The following KLB variants were observed in gnomAD, a reference collection of about 807,000 sequenced individuals.
KLB encodes the protein klotho beta.
In KLB, 44 loss-of-function variants were observed where a neutral mutation model predicts 88.4. The observed-to-expected ratio is 0.50, with a 90% CI of 0.39 to 0.64. The LOEUF is 0.64. KLB is among the 30% of genes least tolerant of loss of function. The probability of loss-of-function intolerance (pLI) is 0.00; values close to 1 mark genes in which losing one functional copy is unlikely to be tolerated. For missense variants in KLB, 1,137 were observed against 1,304.8 expected (o/e 0.87, Z 1.98); for synonymous variants, 548 against 513.4 (o/e 1.07, Z -0.91).
Position 39,407,455 on chromosome 4 carries a change from C to G in KLB, c.506C>G (p.Ala169Gly). 6.2e-7 allele frequency: 1 copy of G among 1,614,160 alleles called. No homozygotes were observed. The highest frequency in any genetic ancestry group is 8.5e-7 in the Non-Finnish European group (1 of 1,180,016). ...GATGGAATAGTAACAGTTGCCAACG[C>G]AAAAGGTCTGCAGTACTACAGTACT... ...FPDGIVTVANAKGLQYYSTLL... is the reference protein window; with the variant it reads ...FPDGIVTVANGKGLQYYSTLL... Residue 169 changes from alanine to glycine, a missense_variant, in exon 1 of 5, where the codon GCA becomes GGA. Physicochemically the swap from Ala to Gly is moderately conservative, Grantham distance 60. This residue lies in a region of KLB where 597 missense variants were observed against 765.2 expected (regional missense o/e 0.78). Coordinates refer to ENST00000257408, the MANE Select transcript of KLB (RefSeq NM_175737.4).
intron 1 of KLB, among the ~76,000 whole-genome samples, chr4:39,419,137 C>T (rs1429675233): frequency 6.6e-6 from 1 of 151,878 alleles, no homozygotes; most frequent in Admixed American, 6.6e-5. Flanking sequence ...TCAACTACGA[C>T]TGGTATTCTA....
intron 1 of KLB, among the ~76,000 whole-genome samples, chr4:39,423,803 C>T (rs1431910707): frequency 6.6e-6 from 1 of 151,700 alleles, no homozygotes; most frequent in African/African-American, 2.4e-5. Context: ...TGGAGCCACA[C>T]TGCACGAGCC....
Position 39,446,704 on chromosome 4 carries a change from G to C in KLB, c.1978G>C (p.Gly660Arg), listed in dbSNP as rs1177424054. 1 of 1,610,174 alleles carries C rather than the reference G, an allele frequency of 6.2e-7. No homozygotes were observed. The highest frequency in any genetic ancestry group is 8.5e-7 in the Non-Finnish European group (1 of 1,177,652). The change falls in exon 4 of 5, where the codon GGG (glycine) becomes CGG (arginine). Residue 660 changes from glycine to arginine, a missense_variant. By Grantham distance (125) the Gly-to-Arg change is moderately radical. Around this residue, in one of 4 missense-constraint regions of KLB, gnomAD observed 597 missense variants for 765.2 expected, o/e 0.78. Transcript: ENST00000257408. This position sits in a 1 kb window ranked among gnomAD's most constrained non-coding sequence, Gnocchi z 6.4. ...GLPEPLLHADGWLNPSTAEAF... is the reference protein window; with the variant it reads ...GLPEPLLHADRWLNPSTAEAF... ...CCCCGAGCCTCTGTTGCATGCCGAC[G>C]GGTGGCTGAACCCATCGACGGCCGA...
chr4:39,420,180 G>C (rs1428506114), intron 1 of KLB, among the ~76,000 whole-genome samples: 1 of 151,994 alleles, frequency 6.6e-6, no homozygotes, highest in Non-Finnish European at 1.5e-5. Flanking sequence ...TGAAAGCCAG[G>C]ATCTTTTAGT....
At position 39,424,169 on chromosome 4, in the gene KLB, C is replaced by T. The variant is rs147249882; in HGVS notation, c.826-10041C>T. 5.1e-4 allele frequency among the ~76,000 whole-genome samples: 77 copies of T among 151,746 alleles called. 1 individual carries two copies. In the East Asian group the frequency reaches 0.013, roughly 26 times the overall value. The stretch of plus-strand genomic sequence containing the variant: ...ATTGCAGCCTCAACCTCCGTGGGCT[C>T]AGGTGATCCTCCCACCTCAGCCTCC... On this transcript the variant is annotated intron_variant, in intron 1 of 4. Transcript: ENST00000257408.
chr4:39,438,982 T>G (rs973225450), intron 3 of KLB, among the ~76,000 whole-genome samples: 2 of 151,812 alleles, frequency 1.3e-5, no homozygotes. Context: ...GCTCTATGTA[T>G]GCACATTCTC....
chr4:39,434,486 G>C lies in KLB; in HGVS notation c.1102G>C (p.Asp368His). The change falls in exon 2 of 5, where the codon GAT (aspartate) becomes CAT (histidine). Residue 368 changes from aspartate (D) to histidine (H), a missense_variant. This residue lies in a region of KLB where 597 missense variants were observed against 765.2 expected (regional missense o/e 0.78). Transcript: ENST00000257408. The part of the protein sequence containing the change: ...AEKHEMRGTA[D>H]FFAFSFGPNN... Reference sequence around the variant, plus strand: ...GAAGCATGAGATGAGAGGCACAGCTGATTTCTTTGCCTTTTCTTTTGGACC... The same window carrying C: ...GAAGCATGAGATGAGAGGCACAGCTCATTTCTTTGCCTTTTCTTTTGGACC... 1.9e-6 allele frequency: 3 copies of C among 1,614,198 alleles called. No homozygotes were observed. The highest frequency in any genetic ancestry group is 1.7e-6 in the Non-Finnish European group (2 of 1,180,036).
intron 1 of KLB, among the ~76,000 whole-genome samples, chr4:39,421,114 T>A (rs1463964381): frequency 6.6e-6 from 1 of 152,214 alleles, no homozygotes; most frequent in African/African-American, 2.4e-5. Flanking sequence ...CATTTCCATA[T>A]TTTTTTCTCC....
intron 1 of KLB, among the ~76,000 whole-genome samples, chr4:39,412,830 G>A (rs1022573849): frequency 4.6e-5 from 7 of 152,202 alleles, no homozygotes; most frequent in Admixed American, 2.6e-4. Flanking sequence ...AGGTGTAAAT[G>A]TTGGTTAAAT....
intron 1 of KLB, among the ~76,000 whole-genome samples, chr4:39,418,342 C>T (rs1403179604): frequency 4.6e-5 from 7 of 151,980 alleles, no homozygotes; most frequent in African/African-American, 1.7e-4. Flanking sequence ...CTGGTTCAAG[C>T]GATTCTCCTG....
At chr4:39,420,271 G>A (rs1743053271) in intron 1 of KLB, among the ~76,000 whole-genome samples, 2 of 152,058 alleles carry the variant, frequency 1.3e-5, no homozygotes, top group African/African-American at 2.4e-5. Context: ...TGAGTAAAGG[G>A]CCAGGGTCTA....
At position 39,446,600 on chromosome 4, in the gene KLB, G is replaced by C; in HGVS notation, c.1874G>C (p.Cys625Ser). The change falls in exon 4 of 5, where the codon TGC becomes TCC. Residue 625 changes from cysteine (C) to serine (S), a missense_variant. Transcript: ENST00000257408. This position sits in a 1 kb window ranked among gnomAD's most constrained non-coding sequence, Gnocchi z 6.4. ...CGACAGGCCCTGAGGTACTACAGGT[G>C]CGTGGTCAGTGAGGGGCTGAAGCTT... ...VNRQALRYYR[C>S]VVSEGLKLGI... 5 of 1,614,172 alleles carry C rather than the reference G, an allele frequency of 3.1e-6. No homozygotes were observed. The highest frequency in any genetic ancestry group is 3.4e-6 in the Non-Finnish European group (4 of 1,179,990).
Position 39,447,115 on chromosome 4 carries a change from G to C in KLB, c.2389G>C (p.Gly797Arg), listed in dbSNP as rs755299298. 6.2e-7 allele frequency: 1 copy of C among 1,613,456 alleles called. No homozygotes were observed. Among genetic ancestry groups the C allele is most frequent in the South Asian group, 1.1e-5 (1 of 91,074 alleles). The change falls in exon 4 of 5, where the codon GGG becomes CGG. Residue 797 changes from glycine to arginine, a missense_variant. Physicochemically the swap from Gly to Arg is moderately radical, Grantham distance 125. Coordinates refer to ENST00000257408, the MANE Select transcript of KLB (RefSeq NM_175737.4). The stretch of plus-strand genomic sequence containing the variant: ...ATACATTGCCTCCAAGCACCGACGG[G>C]GGCTTTCCAGCTCGGCCCTGCCGCG... ...REYIASKHRR[G>R]LSSSALPRLT...
Position 39,441,874 on chromosome 4 carries a change from T to C in KLB, c.1605+3879T>C, listed in dbSNP as rs552981036. 6.6e-5 allele frequency: 10 copies of C among 152,252 alleles called. No homozygotes were observed. In the East Asian group the frequency reaches 1.9e-3, roughly 29 times the overall value. 9.4% of individuals were successfully genotyped at this position (152,252 alleles called of 1,614,324 possible). On this transcript the variant is annotated intron_variant, in intron 3 of 4. Transcript: ENST00000257408. ...AAAAATCAGCCAATAAATATATGTA[T>C]AGACACTGTGTACACAGAAAACTAG...
At position 39,447,260 on chromosome 4, in the gene KLB, G is replaced by A; in HGVS notation, c.2534G>A (p.Arg845Lys). Residue 845 changes from arginine (R) to lysine (K), a missense_variant, in exon 4 of 5, where the codon AGG becomes AAG. Transcript: ENST00000257408. Reference sequence around the variant, plus strand: ...GCCGGCAGCCGCTACGACTCGGACAGGGACATCCAGTTTCTGCAGGACATC... The same window carrying A: ...GCCGGCAGCCGCTACGACTCGGACAAGGACATCCAGTTTCTGCAGGACATC... ...QLAGSRYDSD[R>K]DIQFLQDITR... is the part of the protein sequence containing the mutation. 2 of 1,614,134 alleles carry A rather than the reference G, an allele frequency of 1.2e-6. No homozygotes were observed. The highest frequency in any genetic ancestry group is 1.6e-4 in the Middle Eastern group (1 of 6,062).
At chr4:39,425,432 A>G (rs1312358401) in intron 1 of KLB, among the ~76,000 whole-genome samples, 1 of 152,180 alleles carries the variant, frequency 6.6e-6, no homozygotes, top group African/African-American at 2.4e-5. Context: ...ATAATTTGTT[A>G]GAATAATTTT....
In KLB at chr4:39,447,308, G is replaced by A. The variant is rs753060837; in HGVS notation, c.2582G>A (p.Arg861His). Reference protein sequence around the residue: ...QDITRLSSPTRLAVIPWGVRK... With the variant: ...QDITRLSSPTHLAVIPWGVRK... Reference sequence around the variant, plus strand: ...ATCACCCGCCTGAGCTCCCCCACGCGCCTGGCTGTGATTCCCTGGGGGGTG... The same window carrying A: ...ATCACCCGCCTGAGCTCCCCCACGCACCTGGCTGTGATTCCCTGGGGGGTG... Residue 861 changes from arginine (R) to histidine (H), a missense_variant, in exon 4 of 5, where the codon CGC (arginine) becomes CAC (histidine). Physicochemically the swap from Arg to His is conservative, Grantham distance 29 (BLOSUM62 0). This residue lies in a region of KLB where 426 missense variants were observed against 404.6 expected (regional missense o/e 1.05). Transcript: ENST00000257408. 1.2e-6 allele frequency: 2 copies of A among 1,614,090 alleles called. No individual in the cohort carries two copies. The highest frequency in any genetic ancestry group is 1.7e-6 in the Non-Finnish European group (2 of 1,180,004).
rs1743858875 is a variant in KLB at position 39,450,122 on chromosome 4, T to G, written c.*1436T>G. ...ACCCTTTTGGGCTAGGGTTAATTAC[T>G]AGATCTGACTTGGATAATTTGACAC... On this transcript the variant is annotated 3_prime_UTR_variant, in exon 5 of 5. Transcript: ENST00000257408. 1.3e-5 allele frequency: 2 copies of G among 152,204 alleles called. No homozygotes were observed. The allele number at this position is 152,204 out of a possible 1,614,324, so 9.4% of individuals were successfully genotyped here.
At chr4:39,447,714 A>C (rs892832776) in intron 4 of KLB, among the ~76,000 whole-genome samples, 2 of 152,358 alleles carry the variant, frequency 1.3e-5, no homozygotes, top group East Asian at 1.9e-4. Context: ...TTAAAAAATC[A>C]CCTGAAATCT....
Sources: gnomAD v4.1 joint callset for allele counts (sites outside exome capture counted in the v4.1 genomes callset) on GRCh38, gnomAD v4.1.1 for gene constraint, gnomAD v4.1.1 regional missense constraint, Gnocchi (gnomAD v3.1) non-coding constraint, MANE v1.5 for transcripts, NCBI Gene and HGNC (gene_info 2026-07-23, HGNC 2026-07-21) for gene names.